The following TDRD1 variants were observed in gnomAD, a reference collection of about 807,000 sequenced individuals.
TDRD1 encodes the protein tudor domain-containing protein 1.
A neutral mutation model predicts 140.6 loss-of-function variants in TDRD1; 37 were observed. The observed-to-expected ratio is 0.26, with a 90% CI of 0.20 to 0.35. The LOEUF (loss-of-function observed/expected upper bound fraction) is 0.35, where lower values mean the gene tolerates loss of function less well. Ranked by LOEUF, TDRD1 falls within the 10% of genes least tolerant of loss-of-function variation. TDRD1 has a pLI of 1.00. For synonymous variants in TDRD1, 506 were observed against 475.7 expected (o/e 1.06, Z -0.83); for missense variants, 1,243 against 1,393.0 (o/e 0.89, Z 1.71).
intron 3 of TDRD1, among the ~76,000 whole-genome samples, chr10:114,196,270 G>A (rs60347770): frequency 0.14 from 21,693 of 152,164 alleles, 1,629 homozygotes; most frequent in African/African-American, 0.17. Context: ...TTCTGTTTCA[G>A]TGTTCCTGCT....
At chr10:114,181,215 C>T (rs1217982298) in intron 1 of TDRD1, among the ~76,000 whole-genome samples, 1 of 152,164 alleles carries the variant, frequency 6.6e-6, no homozygotes, top group Non-Finnish European at 1.5e-5. Flanking sequence ...AATGTTGAGA[C>T]CCTTCTAGTT....
intron 13 of TDRD1, among the ~76,000 whole-genome samples, chr10:114,211,406 T>G (rs1271568770): frequency 6.6e-6 from 1 of 152,220 alleles, no homozygotes; most frequent in African/African-American, 2.4e-5. Flanking sequence ...ATAACCAGGT[T>G]CTGTTACTCT....
At chr10:114,217,570 C>G (rs1172496420) in exon 17 of TDRD1, 1 of 1,595,238 alleles carries the variant, frequency 6.3e-7, no homozygotes, top group Non-Finnish European at 8.5e-7. Context: ...ATGATTTGAA[C>G]AAGTCATTAG....
chr10:114,209,609 T>C (rs1258535112), intron 11 of TDRD1, among the ~76,000 whole-genome samples: 6 of 152,242 alleles, frequency 3.9e-5, no homozygotes, highest in African/African-American at 1.4e-4. Flanking sequence ...TTGAGCCAAT[T>C]ATCCATTTCA....
intron 11 of TDRD1, among the ~76,000 whole-genome samples, chr10:114,208,932 C>G (rs961639327): frequency 6.6e-6 from 1 of 152,000 alleles, no homozygotes; most frequent in Admixed American, 6.6e-5. Context: ...GAGCTGCACG[C>G]CACCATGCCC....
At chr10:114,206,750 A>C (rs1320293433) in intron 11 of TDRD1, among the ~76,000 whole-genome samples, 1 of 151,240 alleles carries the variant, frequency 6.6e-6, no homozygotes, top group Non-Finnish European at 1.5e-5. Flanking sequence ...AGGAGCTGGG[A>C]TTACAGGCTC....
chr10:114,181,968 A>G (rs2033107450), intron 1 of TDRD1, among the ~76,000 whole-genome samples: 2 of 152,176 alleles, frequency 1.3e-5, no homozygotes, highest in African/African-American at 4.8e-5. Flanking sequence ...AGTCCATGTA[A>G]TGGTATGATA....
chr10:114,200,633 C>A (rs1393691538), intron 4 of TDRD1, among the ~76,000 whole-genome samples: 1 of 152,100 alleles, frequency 6.6e-6, no homozygotes, highest in Non-Finnish European at 1.5e-5. Context: ...AGGCGATTCT[C>A]CTGCCTCAGC....
chr10:114,190,944 G>GTGT lies in TDRD1; in HGVS notation c.326-15_326-13dup. On this transcript the variant is annotated splice_polypyrimidine_tract_variant and intron_variant, in intron 2 of 25. Transcript: ENST00000251864. ...TATTATTTGGCTTTTATTTGAAATT[G>GTGT]TGTTTTTCCTCCCCAGGAAACTCAG... 50 of 1,612,602 alleles carry GTGT rather than the reference G, an allele frequency of 3.1e-5. No homozygotes were observed. Among genetic ancestry groups the GTGT allele is most frequent in the Non-Finnish European group, 4.2e-5 (50 of 1,179,006 alleles).
intron 23 of TDRD1, 47 bp from the exon 24 acceptor site, chr10:114,227,862 TC>T: frequency 3.9e-6 from 6 of 1,522,800 alleles, no homozygotes; most frequent in Admixed American, 1.7e-5. Flanking sequence ...AAGTTTTTCT[TC>T]TTTACATTAT....
Position 114,229,935 on chromosome 10 carries a change from A to T in TDRD1, c.3539-1551A>T, listed in dbSNP as rs182664665. On this transcript the variant is annotated intron_variant, in intron 25 of 25. Transcript: ENST00000251864. ...AACCTCCGCCTCCCGGGTTCATGCCATTCTCCTGCCTCAGCTTCCCAAGTA... is the reference window on the plus strand; with the variant it reads ...AACCTCCGCCTCCCGGGTTCATGCCTTTCTCCTGCCTCAGCTTCCCAAGTA... Among the ~76,000 whole-genome samples the T allele has an allele frequency of 6.5e-4, 98 of 151,370 alleles. No individual in the cohort carries two copies. The East Asian group carries it at 9.3e-3, about 14-fold the overall frequency.
intron 1 of TDRD1, among the ~76,000 whole-genome samples, chr10:114,183,412 A>C (rs1382027338): frequency 6.6e-6 from 1 of 152,348 alleles, no homozygotes; most frequent in East Asian, 1.9e-4. Flanking sequence ...TTCATCTATA[A>C]AAATGATTCA....
chr10:114,208,955 T>G (rs1267268586), intron 11 of TDRD1, among the ~76,000 whole-genome samples: 1 of 152,058 alleles, frequency 6.6e-6, no homozygotes, highest in African/African-American at 2.4e-5. Context: ...CTGATTTTTT[T>G]GTATTTTTAG....
At chr10:114,216,826 A>G (rs2035842302) in intron 16 of TDRD1, among the ~76,000 whole-genome samples, 2 of 152,190 alleles carry the variant, frequency 1.3e-5, no homozygotes, top group East Asian at 1.9e-4. Flanking sequence ...CATCTGAAAC[A>G]TTAGAATTTA....
intron 3 of TDRD1, 46 bp downstream of exon 3, chr10:114,191,065 A>G: frequency 6.4e-7 from 1 of 1,561,894 alleles, no homozygotes; most frequent in Non-Finnish European, 8.8e-7. Context: ...AAAAGATTCT[A>G]AACATGTTTT....
At chr10:114,196,075 T>A (rs2034326162) in intron 3 of TDRD1, among the ~76,000 whole-genome samples, 1 of 152,222 alleles carries the variant, frequency 6.6e-6, no homozygotes, top group African/African-American at 2.4e-5. Flanking sequence ...TCAGACAGTT[T>A]ATCATTTTTG....
chr10:114,216,589 T>C (rs2035829709), intron 16 of TDRD1, among the ~76,000 whole-genome samples: 1 of 152,220 alleles, frequency 6.6e-6, no homozygotes, highest in Admixed American at 6.5e-5. Context: ...TTTCCAAGCT[T>C]TTATTACTAA....
intron 22 of TDRD1, 71 bp from the exon 23 acceptor site, chr10:114,227,001 T>C: frequency 1.2e-6 from 1 of 824,258 alleles, no homozygotes; most frequent in Non-Finnish European, 1.9e-6. Context: ...TTGCTTATTA[T>C]TCTTAGATAA....
chr10:114,206,611 G>GTTTTTTT (rs33936742), intron 11 of TDRD1, among the ~76,000 whole-genome samples: 2 of 105,990 alleles, frequency 1.9e-5, no homozygotes, highest in Non-Finnish European at 2.0e-5. Flanking sequence ...GTTAGGGTTT[G>GTTTTTTT]TTTTTTTTTT....
Sources: allele counts gnomAD v4.1 joint callset (sites outside exome capture counted in the v4.1 genomes callset), GRCh38; gene constraint gnomAD v4.1.1; transcripts MANE v1.5; gene names NCBI Gene and HGNC (gene_info 2026-07-23, HGNC 2026-07-21).